The following IL15RA variants were observed in gnomAD, a reference collection of about 807,000 sequenced individuals.
IL15RA encodes interleukin 15 receptor subunit alpha, also known as interleukin-15 receptor subunit alpha.
In IL15RA, 26 loss-of-function variants were observed where a neutral mutation model predicts 24.2. The observed-to-expected ratio is 1.07, with a 90% confidence interval of 0.79 to 1.49. The LOEUF (loss-of-function observed/expected upper bound fraction) is 1.49, where lower values mean the gene tolerates loss of function less well. Ranked by LOEUF, IL15RA falls within the 40% of genes most tolerant of loss-of-function variation. IL15RA has a pLI of 0.00. For missense variants in IL15RA, 354 were observed against 356.4 expected, an observed-to-expected ratio of 0.99 and a Z score of 0.05; for synonymous variants, 166 against 157.6, an observed-to-expected ratio of 1.05 and a Z score of -0.40.
At chr10:5,977,726 C>T, upstream of IL15RA, 2 of 1,083,368 alleles carry the variant, frequency 1.8e-6, no homozygotes, top group Admixed American at 4.3e-5. Context: ...GCACAGCCAC[C>T]CCTGTCCCCG....
At position 5,955,847 on chromosome 10, in the gene IL15RA, C is replaced by T. The variant is rs936250396; in HGVS notation, c.692+532G>A. ...ACCTGGTGCACTTTCTCTGGCCGCC[C>T]CATTTCTACCATGAGCAGGGGTAGG... On this transcript the variant is annotated intron_variant, in intron 6 of 6. Coordinates refer to ENST00000379977, the MANE Select transcript of IL15RA (RefSeq NM_002189.4). The surrounding 1 kb of genome is among the most constrained non-coding windows in gnomAD (Gnocchi z 5.3). Among the ~76,000 whole-genome samples the T allele has an allele frequency of 3.9e-5, 6 of 152,088 alleles. No homozygotes were observed. The highest frequency in any genetic ancestry group is 1.4e-4 in the African/African-American group (6 of 41,416).
chr10:5,977,391 T>A lies in IL15RA; in HGVS notation c.88+14A>T. ...CCAAGTCCCGCCCGGGCGCCCCTGCTCCCAGCTCCCTACCCCGCGTCGCCG... is the reference window on the plus strand; with the variant it reads ...CCAAGTCCCGCCCGGGCGCCCCTGCACCCAGCTCCCTACCCCGCGTCGCCG... On this transcript the variant is annotated intron_variant, in intron 1 of 6. Transcript: ENST00000379977. 1 of 1,260,992 alleles carries A rather than the reference T, an allele frequency of 7.9e-7. No homozygotes were observed. Among genetic ancestry groups the A allele is most frequent in the South Asian group, 2.1e-5 (1 of 47,840 alleles). The allele number at this position is 1,260,992 out of a possible 1,614,324, so 78.1% of individuals were successfully genotyped here.
downstream of IL15RA, chr10:5,949,152 C>T (rs191947477): frequency 6.5e-6 from 3 of 460,594 alleles, no homozygotes; most frequent in East Asian, 7.0e-5. This position sits in a 1 kb window ranked among gnomAD's most constrained non-coding sequence, Gnocchi z 4.4. Flanking sequence ...GGAGCCCAAA[C>T]GCTGGTGTCT....
In IL15RA at chr10:5,954,137, G is replaced by C. The variant is rs1430535644; in HGVS notation, c.693-931C>G. On this transcript the variant is annotated intron_variant, in intron 6 of 6. Coordinates refer to ENST00000379977, the MANE Select transcript of IL15RA (RefSeq NM_002189.4). ...AAGAATCAATTCACCAAATGACCAAGTAATTACACTCATCAAATTTACCAA... is the reference window on the plus strand; with the variant it reads ...AAGAATCAATTCACCAAATGACCAACTAATTACACTCATCAAATTTACCAA... 3 of 149,932 alleles carry C rather than the reference G, an allele frequency of 2.0e-5. 1 individual carries two copies. The highest frequency in any genetic ancestry group is 4.2e-4 in the South Asian group (2 of 4,706). 9.3% of individuals were successfully genotyped at this position (149,932 alleles called of 1,614,324 possible). A position where few individuals can be genotyped will look rare whatever the true frequency, so the allele number is the denominator to read the frequency against.
chr10:5,977,681 G>C, upstream of IL15RA: 2 of 1,231,668 alleles, frequency 1.6e-6, no homozygotes, highest in Non-Finnish European at 2.0e-6. Flanking sequence ...CCCCACCCCT[G>C]CTGGGGAAGG....
In IL15RA at chr10:5,965,968, G is replaced by A. The variant is rs577955845; in HGVS notation, c.283+177C>T. Among the ~76,000 whole-genome samples the A allele has an allele frequency of 1.3e-5, 2 of 152,164 alleles. No individual in the cohort carries two copies. The highest frequency in any genetic ancestry group is 1.9e-4 in the East Asian group (1 of 5,168). On this transcript the variant is annotated intron_variant, in intron 2 of 6. Transcript: ENST00000379977. This position sits in a 1 kb window ranked among gnomAD's most constrained non-coding sequence, Gnocchi z 5.8. The stretch of plus-strand genomic sequence containing the variant: ...ACTCCTGACTTCAAGTGATCCTCCC[G>A]CCTCGGCCTCCCAAAGTGCTGGGAT...
intron 6 of IL15RA, among the ~76,000 whole-genome samples, chr10:5,954,188 C>CTT (rs1194297780): frequency 3.8e-4 from 26 of 68,514 alleles, no homozygotes; most frequent in African/African-American, 1.3e-3. Flanking sequence ...TTTTTTTTTT[C>CTT]TGAGACAGGT....
intron 5 of IL15RA, among the ~76,000 whole-genome samples, chr10:5,957,916 T>C (rs1263079776): frequency 1.3e-5 from 2 of 152,222 alleles, no homozygotes; most frequent in African/African-American, 2.4e-5. Context: ...ATAAAAGTCA[T>C]GAACTAGCAA....
At chr10:5,956,732 A>T (rs148818697) in intron 5 of IL15RA, among the ~76,000 whole-genome samples, 24 of 152,270 alleles carry the variant, frequency 1.6e-4, no homozygotes, top group African/African-American at 5.5e-4. Context: ...CGGGGCAGGG[A>T]CGGAGCAAGT....
In IL15RA at chr10:5,953,381, G is replaced by C; in HGVS notation, c.693-175C>G. On this transcript the variant is annotated intron_variant, in intron 6 of 6. Transcript: ENST00000379977. The surrounding 1 kb of genome is among the most constrained non-coding windows in gnomAD (Gnocchi z 5.3). Reference sequence around the variant, plus strand: ...AGTCCTCAGAGATGGAGAGAACCTAGAATGCCTACCTCTACCGAGTGTATT... The same window carrying C: ...AGTCCTCAGAGATGGAGAGAACCTACAATGCCTACCTCTACCGAGTGTATT... 1.4e-6 allele frequency: 1 copy of C among 714,672 alleles called. No homozygotes were observed. Among genetic ancestry groups the C allele is most frequent in the Non-Finnish European group, 2.6e-6 (1 of 385,860 alleles). 44.3% of individuals were successfully genotyped at this position (714,672 alleles called of 1,614,324 possible).
rs1286048978 is a variant in IL15RA at position 5,960,812 on chromosome 10, T to C, written c.383-245A>G. Among the ~76,000 whole-genome samples, 3 of 152,136 alleles carry C rather than the reference T, an allele frequency of 2.0e-5. No individual in the cohort carries two copies. The highest frequency in any genetic ancestry group is 7.2e-5 in the African/African-American group (3 of 41,434). ...TAAAGAAAAGATCAGCCAGACACAG[T>C]GGGTCATGCCTATAATCCCAACACT... On this transcript the variant is annotated intron_variant, in intron 3 of 6. Transcript: ENST00000379977. The surrounding 1 kb of genome is among the most constrained non-coding windows in gnomAD (Gnocchi z 5.1).
In IL15RA at chr10:5,964,391, T is replaced by C. The variant is rs1457402748; in HGVS notation, c.284-550A>G. Reference sequence around the variant, plus strand: ...TATGTTGCTGAGGCTGGTCTCGAACTCCTGGTCTCAAGAAATCCCTCCCAT... The same window carrying C: ...TATGTTGCTGAGGCTGGTCTCGAACCCCTGGTCTCAAGAAATCCCTCCCAT... On this transcript the variant is annotated intron_variant, in intron 2 of 6. Coordinates refer to ENST00000379977, the MANE Select transcript of IL15RA (RefSeq NM_002189.4). This position sits in a 1 kb window ranked among gnomAD's most constrained non-coding sequence, Gnocchi z 5.6. Among the ~76,000 whole-genome samples, 1 of 152,146 alleles carries C rather than the reference T, an allele frequency of 6.6e-6. No individual in the cohort carries two copies. Among genetic ancestry groups the C allele is most frequent in the Non-Finnish European group, 1.5e-5 (1 of 68,016 alleles).
rs546619761 is a variant in IL15RA, at chr10:5,959,356, G to T, written c.616+398C>A. Among the ~76,000 whole-genome samples, 39 of 151,958 alleles carry T rather than the reference G, an allele frequency of 2.6e-4. No individual in the cohort carries two copies. The highest frequency in any genetic ancestry group is 9.2e-4 in the African/African-American group (38 of 41,472). ...TGGACAGCTTCTCTGTTAAGTGCAC[G>T]GTGCCACGCCCTGGAGAGGAATTGG... is the stretch of plus-strand genomic sequence containing the variant. On this transcript the variant is annotated intron_variant, in intron 5 of 6. Coordinates refer to ENST00000379977, the MANE Select transcript of IL15RA (RefSeq NM_002189.4). The surrounding 1 kb of genome is among the most constrained non-coding windows in gnomAD (Gnocchi z 4.1).
At chr10:5,974,629 C>T (rs1838126706) in intron 1 of IL15RA, among the ~76,000 whole-genome samples, 1 of 152,128 alleles carries the variant, frequency 6.6e-6, no homozygotes, top group Non-Finnish European at 1.5e-5. Context: ...GTAATCCCAG[C>T]ACTTTGGGAG....
rs996843224 is a variant in IL15RA at position 5,970,908 on chromosome 10, A to G, written c.89-4569T>C. On this transcript the variant is annotated intron_variant, in intron 1 of 6. Coordinates refer to ENST00000379977, the MANE Select transcript of IL15RA (RefSeq NM_002189.4). This position sits in a 1 kb window ranked among gnomAD's most constrained non-coding sequence, Gnocchi z 4.1. ...CCCGAGTAGCTGGGACTAGAGGCAC[A>G]TGCCACCATACCTGGCTAATTTTTT... is the stretch of plus-strand genomic sequence containing the variant. 6.6e-6 allele frequency among the ~76,000 whole-genome samples: 1 copy of G among 151,754 alleles called. No homozygotes were observed. Among genetic ancestry groups the G allele is most frequent in the Admixed American group, 6.6e-5 (1 of 15,200 alleles).
In IL15RA at chr10:5,953,214, G is replaced by A; in HGVS notation, c.693-8C>T. 6.2e-7 allele frequency: 1 copy of A among 1,607,616 alleles called. No individual in the cohort carries two copies. The highest frequency in any genetic ancestry group is 8.5e-7 in the Non-Finnish European group (1 of 1,174,012). ...GCCAGCGGGGGAGTTTGCCTGCAAA[G>A]CAGGTGGTTCATAGGTTTTGAAAAG... On this transcript the variant is annotated splice_region_variant and splice_polypyrimidine_tract_variant and intron_variant, in intron 6 of 6. Coordinates refer to ENST00000379977, the MANE Select transcript of IL15RA (RefSeq NM_002189.4). The surrounding 1 kb of genome is among the most constrained non-coding windows in gnomAD (Gnocchi z 5.3).
At position 5,968,957 on chromosome 10, in the gene IL15RA, C is replaced by T; in HGVS notation, c.89-2618G>A. 1.3e-6 allele frequency: 2 copies of T among 1,535,050 alleles called. No individual in the cohort carries two copies. The highest frequency in any genetic ancestry group is 1.7e-6 in the Non-Finnish European group (2 of 1,146,400). ...TAACAGGTTTTGTACAGGAAGTGTT[C>T]CCTGCCCATTTCCAGCAGCCGTGGA... is the stretch of plus-strand genomic sequence containing the variant. On this transcript the variant is annotated intron_variant, in intron 1 of 6. Transcript: ENST00000379977. This position sits in a 1 kb window ranked among gnomAD's most constrained non-coding sequence, Gnocchi z 5.4.
At position 5,959,825 on chromosome 10, in the gene IL15RA, A is replaced by C. The variant is rs1001012965; in HGVS notation, c.584-39T>G. Reference sequence around the variant, plus strand: ...AGGACAGCATCACGGCTCGAGTCCTAGAGGTCCTAGTTCCTCATGAAGCAG... The same window carrying C: ...AGGACAGCATCACGGCTCGAGTCCTCGAGGTCCTAGTTCCTCATGAAGCAG... On this transcript the variant is annotated intron_variant, in intron 4 of 6. Coordinates refer to ENST00000379977, the MANE Select transcript of IL15RA (RefSeq NM_002189.4). The surrounding 1 kb of genome is among the most constrained non-coding windows in gnomAD (Gnocchi z 4.1). The C allele has an allele frequency of 1.2e-6, 2 of 1,607,910 alleles. No individual in the cohort carries two copies. Among genetic ancestry groups the C allele is most frequent in the African/African-American group, 2.7e-5 (2 of 74,792 alleles).
At chr10:5,951,518 T>C (rs1057421028), downstream of IL15RA, among the ~76,000 whole-genome samples, 4 of 152,174 alleles carry the variant, frequency 2.6e-5, no homozygotes, top group Admixed American at 2.0e-4. Flanking sequence ...ACACTTCTTA[T>C]TACTTTTGTT....
Sources: allele counts gnomAD v4.1 joint callset (sites outside exome capture counted in the v4.1 genomes callset), GRCh38; gene constraint gnomAD v4.1.1; non-coding constraint Gnocchi (gnomAD v3.1); transcripts MANE v1.5; gene names NCBI Gene and HGNC (gene_info 2026-07-23, HGNC 2026-07-21).